Variants in MSI2 observed in about 807,000 individuals in gnomAD.
The protein encoded by MSI2 is RNA-binding protein Musashi homolog 2.
In MSI2, 17 loss-of-function variants were observed where a neutral mutation model predicts 45.6. The ratio of observed to expected loss-of-function variants is 0.37; its 90% confidence interval spans 0.26 to 0.56. The LOEUF (loss-of-function observed/expected upper bound fraction) is 0.56. Among genes scored for constraint, MSI2 ranks in the 20% least tolerant of loss-of-function variants. MSI2 has a pLI of 0.77. For synonymous variants in MSI2, 156 were observed against 158.2 expected (o/e 0.99, Z 0.11); for missense variants, 293 against 444.2 (o/e 0.66, Z 3.06).
chr17:57,457,359 T>C (rs925688143), intron 6 of MSI2, among the ~76,000 whole-genome samples: 4 of 152,184 alleles, frequency 2.6e-5, no homozygotes, highest in Admixed American at 6.5e-5. Flanking sequence ...GCCGTACATG[T>C]GGCAACTCCT....
chr17:57,417,422 G>A (rs1329141814), intron 6 of MSI2, among the ~76,000 whole-genome samples: 1 of 152,108 alleles, frequency 6.6e-6, no homozygotes, highest in Admixed American at 6.5e-5. Context: ...GAGCAAGGAG[G>A]GAGGCAGTTT....
chr17:57,459,911 C>T (rs1397253629), intron 6 of MSI2, among the ~76,000 whole-genome samples: 4 of 152,064 alleles, frequency 2.6e-5, no homozygotes, highest in Admixed American at 2.0e-4. Flanking sequence ...GGCAGATCAC[C>T]TGAGGTCAGG....
intron 6 of MSI2, among the ~76,000 whole-genome samples, chr17:57,462,277 G>A (rs889952554): frequency 6.6e-6 from 1 of 152,210 alleles, no homozygotes; most frequent in Non-Finnish European, 1.5e-5. Flanking sequence ...CTTGCTCTGT[G>A]TCTCTCTGGT....
intron 6 of MSI2, among the ~76,000 whole-genome samples, chr17:57,447,296 A>T (rs1253603059): frequency 6.6e-6 from 1 of 151,672 alleles, no homozygotes; most frequent in African/African-American, 2.4e-5. Context: ...TAGGTATGAT[A>T]CCTCCCTATG....
intron 6 of MSI2, among the ~76,000 whole-genome samples, chr17:57,477,145 GGTGTGTGTGTGTGTGTGTGTGT>G (rs59127306): frequency 0.026 from 3,130 of 118,732 alleles, 65 homozygotes; most frequent in South Asian, 0.083. Context: ...CATAAGGCCT[GGTGTGTGTGTGTGTGTGTGTGT>G]GTGTGTGTGT....
At chr17:57,441,338 G>GC (rs1286783033) in intron 6 of MSI2, among the ~76,000 whole-genome samples, 3 of 152,134 alleles carry the variant, frequency 2.0e-5, no homozygotes, top group Admixed American at 6.5e-5. Flanking sequence ...CACCCCTCTT[G>GC]CCTCTCCTAA....
At chr17:57,297,100 C>T (rs2143510688) in intron 5 of MSI2, among the ~76,000 whole-genome samples, 1 of 151,912 alleles carries the variant, frequency 6.6e-6, no homozygotes, top group South Asian at 2.1e-4. Flanking sequence ...GTCTTGAACT[C>T]CTGACCTTGT....
At chr17:57,362,861 A>G (rs116321429) in intron 5 of MSI2, among the ~76,000 whole-genome samples, 2,463 of 152,324 alleles carry the variant, frequency 0.016, 62 homozygotes, top group African/African-American at 0.056. Flanking sequence ...TTATGATTAT[A>G]AAGTTTCCAT....
At chr17:57,431,555 G>A (rs757405667) in intron 6 of MSI2, among the ~76,000 whole-genome samples, 2 of 152,160 alleles carry the variant, frequency 1.3e-5, no homozygotes, top group East Asian at 3.8e-4. Flanking sequence ...GTTACTGGAG[G>A]CCAGAGGCAC....
chr17:57,357,592 A>G (rs540906794), intron 5 of MSI2, among the ~76,000 whole-genome samples: 1 of 152,216 alleles, frequency 6.6e-6, no homozygotes, highest in East Asian at 1.9e-4. Context: ...CTGCTTACTT[A>G]TTAACGATGA....
intron 6 of MSI2, among the ~76,000 whole-genome samples, chr17:57,491,084 G>T (rs570662870): frequency 6.6e-6 from 1 of 152,340 alleles, no homozygotes; most frequent in African/African-American, 2.4e-5. Flanking sequence ...GCTTGCAGGT[G>T]TCCTGGCGCT....
intron 7 of MSI2, among the ~76,000 whole-genome samples, chr17:57,539,184 A>ATTTT (rs11432676): frequency 1.4e-5 from 2 of 143,452 alleles, no homozygotes; most frequent in Non-Finnish European, 3.0e-5. Flanking sequence ...TACTTTTTGA[A>ATTTT]TTTTTTTTTT....
intron 10 of MSI2, 102 bp from the exon 11 acceptor site, chr17:57,651,997 C>A: frequency 9.2e-7 from 1 of 1,087,332 alleles, no homozygotes; most frequent in Non-Finnish European, 1.4e-6. Flanking sequence ...CCACTCCTGT[C>A]TTTGTGTGGA....
At chr17:57,419,352 A>G (rs1490544267) in intron 6 of MSI2, among the ~76,000 whole-genome samples, 2 of 133,908 alleles carry the variant, frequency 1.5e-5, no homozygotes, top group Non-Finnish European at 3.1e-5. Flanking sequence ...GCTTTAACGC[A>G]ATTATTACAT....
At chr17:57,558,627 C>G (rs2087497497) in intron 7 of MSI2, among the ~76,000 whole-genome samples, 1 of 152,210 alleles carries the variant, frequency 6.6e-6, no homozygotes, top group Admixed American at 6.5e-5. Flanking sequence ...TCTCTTCAGC[C>G]CAGACCAGCC....
chr17:57,525,274 G>C (rs992055468), intron 6 of MSI2, among the ~76,000 whole-genome samples: 16 of 151,870 alleles, frequency 1.1e-4, no homozygotes, highest in East Asian at 3.9e-4. Context: ...TGCTTTTTTG[G>C]GGGGGGCAGG....
At chr17:57,264,460 A>G (rs1598043106) in intron 5 of MSI2, 1 of 151,846 alleles carries the variant, frequency 6.6e-6, no homozygotes, top group Non-Finnish European at 1.5e-5. Context: ...CTATCCTCCC[A>G]CCTCTGCCCC....
intron 5 of MSI2, among the ~76,000 whole-genome samples, chr17:57,317,117 G>T (rs1392527430): frequency 1.3e-5 from 2 of 152,104 alleles, no homozygotes; most frequent in Admixed American, 1.3e-4. Context: ...AGACTAGGGG[G>T]CCTTTCACCT....
intron 5 of MSI2, among the ~76,000 whole-genome samples, chr17:57,350,362 G>A (rs1283687582): frequency 2.0e-5 from 3 of 152,082 alleles, no homozygotes; most frequent in African/African-American, 7.2e-5. Flanking sequence ...TAGGGATTAT[G>A]TTTATTTGTC....
Sources: allele counts gnomAD v4.1 joint callset (sites outside exome capture counted in the v4.1 genomes callset), GRCh38; gene constraint gnomAD v4.1.1; transcripts MANE v1.5; gene names NCBI Gene and HGNC (gene_info 2026-07-23, HGNC 2026-07-21).